Variants in FAM107B observed in about 807,000 individuals in gnomAD.
The protein encoded by FAM107B is protein FAM107B.
A neutral mutation model predicts 31.5 loss-of-function variants in FAM107B; 21 were observed. The ratio of observed to expected loss-of-function variants is 0.67; its 90% confidence interval spans 0.47 to 0.96. The LOEUF (loss-of-function observed/expected upper bound fraction) is 0.96, where lower values mean the gene tolerates loss of function less well. Among genes scored for constraint, FAM107B ranks in the 40% least tolerant of loss-of-function variants. The pLI, the probability that FAM107B is intolerant of heterozygous loss-of-function variation, is 0.00. For synonymous variants in FAM107B, 157 were observed against 141.5 expected (o/e 1.11, Z -0.78); for missense variants, 452 against 377.1 (o/e 1.20, Z -1.64).
chr10:14,562,489 T>C (rs1249372428), intron 2 of FAM107B, among the ~76,000 whole-genome samples: 1 of 152,250 alleles, frequency 6.6e-6, no homozygotes, highest in Non-Finnish European at 1.5e-5. Flanking sequence ...GTAGCTTCTG[T>C]AGGCATCTTA....
At chr10:14,677,196 G>C (rs1854704013) in intron 1 of FAM107B, among the ~76,000 whole-genome samples, 1 of 151,914 alleles carries the variant, frequency 6.6e-6, no homozygotes. Context: ...ACTCATCAAC[G>C]CAGCCAAAGT....
chr10:14,762,752 TCTCA>T (rs763097341), intron 1 of FAM107B, among the ~76,000 whole-genome samples: 2,041 of 117,536 alleles, frequency 0.017, 34 homozygotes, highest in South Asian at 0.021. Context: ...TGAAACTCTG[TCTCA>T]CACACACACA....
At chr10:14,601,956 C>G (rs1322924286) in intron 2 of FAM107B, among the ~76,000 whole-genome samples, 1 of 152,198 alleles carries the variant, frequency 6.6e-6, no homozygotes, top group African/African-American at 2.4e-5. Flanking sequence ...CGTCCATCCT[C>G]CCACATCAGG....
At chr10:14,645,035 C>T (rs1256168759) in intron 2 of FAM107B, among the ~76,000 whole-genome samples, 1 of 152,114 alleles carries the variant, frequency 6.6e-6, no homozygotes, top group East Asian at 1.9e-4. Flanking sequence ...AATCCATTTC[C>T]AGGATTCTAA....
In FAM107B at chr10:14,629,457, T is replaced by TAACA. The variant is rs1853287135; in HGVS notation, c.469+38176_469+38177insTGTT. On this transcript the variant is annotated intron_variant, in intron 2 of 4. Coordinates refer to ENST00000181796, the MANE Select transcript of FAM107B (RefSeq NM_031453.4). ...ATATTATATATATATTATATATATATTATATATATATTTAATATATATATA... is the reference window on the plus strand; with the variant it reads ...ATATTATATATATATTATATATATATAACATATATATATATTTAATATATATATA... Among the ~76,000 whole-genome samples the TAACA allele has an allele frequency of 3.3e-4, 12 of 36,862 alleles. 1 individual carries two copies. The South Asian group carries it at 0.012, about 38-fold the overall frequency. The allele number at this position is 36,862 out of a possible 152,430, so 24.2% of individuals were successfully genotyped here. A position where few individuals can be genotyped will look rare whatever the true frequency, so the allele number is the denominator to read the frequency against.
At chr10:14,689,129 G>A (rs913233063) in intron 1 of FAM107B, among the ~76,000 whole-genome samples, 6 of 151,960 alleles carry the variant, frequency 3.9e-5, no homozygotes, top group South Asian at 2.1e-4. Context: ...GGCCAGGTGC[G>A]GTGGCTCACA....
At chr10:14,750,372 G>C (rs1832803518) in intron 1 of FAM107B, among the ~76,000 whole-genome samples, 1 of 152,202 alleles carries the variant, frequency 6.6e-6, no homozygotes, top group South Asian at 2.1e-4. Context: ...AGCACTTTGG[G>C]AGAGCAAGGT....
intron 2 of FAM107B, among the ~76,000 whole-genome samples, chr10:14,649,820 T>C (rs758815225): frequency 6.6e-6 from 1 of 152,240 alleles, no homozygotes; most frequent in Non-Finnish European, 1.5e-5. Flanking sequence ...TGGCTCGGAA[T>C]ACATCTCTTC....
intron 1 of FAM107B, among the ~76,000 whole-genome samples, chr10:14,687,431 T>C (rs1485925771): frequency 6.6e-6 from 1 of 152,114 alleles, no homozygotes; most frequent in Non-Finnish European, 1.5e-5. Context: ...TAAAGGTCAG[T>C]ATGTATCTTT....
chr10:14,767,055 T>TATATATATATATATATATATATATAG (rs1440609298), intron 1 of FAM107B, among the ~76,000 whole-genome samples: 1 of 18,282 alleles, frequency 5.5e-5, no homozygotes, highest in African/African-American at 1.5e-4. Context: ...TATATATATA[T>TATATATATATATATATATATATATAG]AGAGAGAGAG....
chr10:14,556,239 C>T (rs148145933), intron 2 of FAM107B: 26 of 533,706 alleles, frequency 4.9e-5, no homozygotes, highest in Non-Finnish European at 6.0e-5. Context: ...CCAGAGCCCT[C>T]GTCCTTCCTG....
At chr10:14,528,887 G>C (rs1053799228) in intron 3 of FAM107B, among the ~76,000 whole-genome samples, 1 of 152,158 alleles carries the variant, frequency 6.6e-6, no homozygotes. Flanking sequence ...GCAAATGTTG[G>C]TTTTACTCTG....
At chr10:14,565,167 G>A (rs890449936) in intron 2 of FAM107B, among the ~76,000 whole-genome samples, 2 of 152,226 alleles carry the variant, frequency 1.3e-5, no homozygotes, top group African/African-American at 4.8e-5. Context: ...TCTTGACACT[G>A]AGGATAAAGC....
intron 1 of FAM107B, among the ~76,000 whole-genome samples, chr10:14,669,357 G>A (rs1192371803): frequency 4.1e-4 from 42 of 102,174 alleles, no homozygotes; most frequent in Admixed American, 6.7e-4. Flanking sequence ...GCCACAGAGC[G>A]AGACTCTGTC....
chr10:14,760,819 CT>C (rs1833027551), intron 1 of FAM107B, among the ~76,000 whole-genome samples: 1 of 151,932 alleles, frequency 6.6e-6, no homozygotes, highest in Non-Finnish European at 1.5e-5. Context: ...TGAGGCCAGC[CT>C]GGTCAACATG....
At chr10:14,529,890 A>C (rs989301442) in intron 3 of FAM107B, 16 of 157,778 alleles carry the variant, frequency 1.0e-4, no homozygotes, top group Admixed American at 1.3e-4. Context: ...ATTAAGTCTA[A>C]TATGGTTCTA....
At chr10:14,583,426 A>G (rs1441480630) in intron 2 of FAM107B, among the ~76,000 whole-genome samples, 5 of 152,208 alleles carry the variant, frequency 3.3e-5, no homozygotes, top group Non-Finnish European at 7.3e-5. Flanking sequence ...ACCGCAGCAC[A>G]GACCACAGAA....
chr10:14,570,015 T>G (rs957162223), intron 2 of FAM107B, among the ~76,000 whole-genome samples: 1 of 152,198 alleles, frequency 6.6e-6, no homozygotes, highest in African/African-American at 2.4e-5. Flanking sequence ...ATCACTGTCA[T>G]GAGCCATAGA....
At chr10:14,625,788 TCA>T (rs1420206397) in intron 2 of FAM107B, among the ~76,000 whole-genome samples, 1 of 147,114 alleles carries the variant, frequency 6.8e-6, no homozygotes, top group East Asian at 2.1e-4. Flanking sequence ...AAATAAATAT[TCA>T]AGAGTACTTT....
Sources: gnomAD v4.1 joint callset for allele counts (sites outside exome capture counted in the v4.1 genomes callset) on GRCh38, gnomAD v4.1.1 for gene constraint, MANE v1.5 for transcripts, NCBI Gene and HGNC (gene_info 2026-07-23, HGNC 2026-07-21) for gene names.